The following VARS2 variants were observed in gnomAD, a reference collection of about 807,000 sequenced individuals.
VARS2 encodes the protein valine--tRNA ligase, mitochondrial.
Under a neutral mutation model 154.1 loss-of-function variants are expected in VARS2, and 105 were observed. The ratio of observed to expected loss-of-function variants is 0.68; its 90% CI spans 0.58 to 0.80. VARS2 has a LOEUF of 0.80. VARS2 is among the 30% of genes least tolerant of loss of function. The probability of loss-of-function intolerance (pLI) is 0.00; values close to 1 mark genes in which losing one functional copy is unlikely to be tolerated. For missense variants in VARS2, 1,157 were observed against 1,361.4 expected, an observed-to-expected ratio of 0.85 and a Z score of 2.36; for synonymous variants, 483 against 539.5, an observed-to-expected ratio of 0.90 and a Z score of 1.45.
chr6:30,919,661 A>T lies in VARS2; in HGVS notation c.1075-97A>T. On this transcript the variant is annotated intron_variant, in intron 11 of 29. Coordinates refer to ENST00000676266, the MANE Select transcript of VARS2 (RefSeq NM_020442.6). The surrounding 1 kb of genome is among the most constrained non-coding windows in gnomAD (Gnocchi z 4.5). The stretch of plus-strand genomic sequence containing the variant: ...ACCTTGCTCTAGCTTGCTACCTTCC[A>T]CTTTCTACCTTCTTATTCCTGGGGT... 1.0e-6 allele frequency: 1 copy of T among 981,138 alleles called. No homozygotes were observed. Among genetic ancestry groups the T allele is most frequent in the Non-Finnish European group, 1.4e-6 (1 of 699,652 alleles). 60.8% of individuals were successfully genotyped at this position (981,138 alleles called of 1,614,324 possible).
At chr6:30,915,085 G>A in intron 2 of VARS2, 48 bp downstream of exon 2, 1 of 1,611,252 alleles carries the variant, frequency 6.2e-7, no homozygotes, top group Non-Finnish European at 8.5e-7. Flanking sequence ...CTTGAGAGGG[G>A]CTGGAGGAGA....
chr6:30,924,508 GC>G lies in VARS2; in HGVS notation c.2627del (p.Pro876LeufsTer38). ...CAGAGGCTGCCCCCCAGGCCTGGTT[GC>G]CCCCCTGCCCCCAGCATCTCGGTTG... Reference protein sequence around the residue: ...LWQRLPPRPGCPPAPSISVAP... With the variant: ...LWQRLPPRPGXPPAPSISVAP... On this transcript the variant is annotated frameshift_variant, in exon 26 of 30. Transcript: ENST00000676266. LOFTEE classifies it high-confidence loss of function. 2 of 1,587,324 alleles carry G rather than the reference GC, an allele frequency of 1.3e-6. No individual in the cohort carries two copies. Among genetic ancestry groups the G allele is most frequent in the Non-Finnish European group, 1.7e-6 (2 of 1,162,314 alleles).
At chr6:30,924,581 AG>A in intron 26 of VARS2, 21 bp downstream of exon 26, 1 of 1,425,736 alleles carries the variant, frequency 7.0e-7, no homozygotes, top group Non-Finnish European at 9.5e-7. Flanking sequence ...AGCACCTTGG[AG>A]TGGGTCTGTG....
At position 30,923,433 on chromosome 6, in the gene VARS2, C is replaced by T. The variant is rs1405476868; in HGVS notation, c.2394C>T (p.Leu798=). 4 of 1,612,184 alleles carry T rather than the reference C, an allele frequency of 2.5e-6. No individual in the cohort carries two copies. Among genetic ancestry groups the T allele is most frequent in the Non-Finnish European group, 2.5e-6 (3 of 1,180,044 alleles). ...CCCAGGAGTGTGAGCGGGGCTTCCTCACCCGAGAGCTCTCGCTCGTCACTC... is the reference window on the plus strand; with the variant it reads ...CCCAGGAGTGTGAGCGGGGCTTCCTTACCCGAGAGCTCTCGCTCGTCACTC... ...LAAQECERGF[L]TRELSLVTHA... The change falls in exon 25 of 30, where the codon CTC becomes CTT. Residue 798 remains leucine, a synonymous_variant. Coordinates refer to ENST00000676266, the MANE Select transcript of VARS2 (RefSeq NM_020442.6).
intron 21 of VARS2, 21 bp from the exon 22 acceptor site, chr6:30,922,685 A>G: frequency 2.5e-6 from 4 of 1,609,418 alleles, no homozygotes; most frequent in Non-Finnish European, 3.4e-6. Context: ...TGGGTCGTGA[A>G]TTGCCCCCTT....
Position 30,920,290 on chromosome 6 carries a change from C to A in VARS2, c.1294-43C>A, listed in dbSNP as rs1794426550. 6.3e-7 allele frequency: 1 copy of A among 1,582,854 alleles called. No individual in the cohort carries two copies. Among genetic ancestry groups the A allele is most frequent in the Non-Finnish European group, 8.6e-7 (1 of 1,166,920 alleles). On this transcript the variant is annotated intron_variant, in intron 13 of 29. Transcript: ENST00000676266. This position sits in a 1 kb window ranked among gnomAD's most constrained non-coding sequence, Gnocchi z 4.6. Reference sequence around the variant, plus strand: ...TAATCCTCCTCCTAGTTTCTTATTTCTCTAGAGGCCTTCAGTCTTTACTCT... The same window carrying A: ...TAATCCTCCTCCTAGTTTCTTATTTATCTAGAGGCCTTCAGTCTTTACTCT...
Position 30,916,810 on chromosome 6 carries a change from C to T in VARS2, c.672-68C>T. The T allele has an allele frequency of 1.3e-6, 2 of 1,508,356 alleles. No individual in the cohort carries two copies. The highest frequency in any genetic ancestry group is 1.8e-6 in the Non-Finnish European group (2 of 1,084,316). The allele number at this position is 1,508,356 out of a possible 1,614,324, so 93.4% of individuals were successfully genotyped here. A position where few individuals can be genotyped will look rare whatever the true frequency, so the allele number is the denominator to read the frequency against. ...CTCCAACACCTGGCATTGCTGGGGG[C>T]ATCGCTGGGCCTGGTACATAGGAAG... is the stretch of plus-strand genomic sequence containing the variant. On this transcript the variant is annotated intron_variant, in intron 7 of 29. Coordinates refer to ENST00000676266, the MANE Select transcript of VARS2 (RefSeq NM_020442.6). The surrounding 1 kb of genome is among the most constrained non-coding windows in gnomAD (Gnocchi z 4.0).
rs369444351 is a variant in VARS2 at position 30,920,423 on chromosome 6, C to A, written c.1384C>A (p.Leu462Met). The change falls in exon 14 of 30, where the codon CTG (leucine) becomes ATG (methionine). Residue 462 changes from leucine to methionine, a missense_variant. Transcript: ENST00000676266. This position sits in a 1 kb window ranked among gnomAD's most constrained non-coding sequence, Gnocchi z 4.6. ...GGGCCTCCAGAACCACCCCATGGTACTGCCCATCTGCAGGTAACCTCATTT... is the reference window on the plus strand; with the variant it reads ...GGGCCTCCAGAACCACCCCATGGTAATGCCCATCTGCAGGTAACCTCATTT... ...FRGLQNHPMV[L>M]PICSRSGDVI... The A allele has an allele frequency of 6.8e-6, 11 of 1,606,916 alleles. No individual in the cohort carries two copies. The highest frequency in any genetic ancestry group is 1.3e-5 in the African/African-American group (1 of 74,510).
Position 30,920,999 on chromosome 6 carries a change from G to A in VARS2, c.1480-66G>A, listed in dbSNP as rs1794472870. The stretch of plus-strand genomic sequence containing the variant: ...TTTAAAATGACCTCAGAGGCCACTC[G>A]TCCTATCTGTGGAGGTGCGGCCGTG... On this transcript the variant is annotated intron_variant, in intron 15 of 29. Transcript: ENST00000676266. This position sits in a 1 kb window ranked among gnomAD's most constrained non-coding sequence, Gnocchi z 4.6. 2.0e-6 allele frequency: 3 copies of A among 1,497,270 alleles called. No homozygotes were observed. Among genetic ancestry groups the A allele is most frequent in the African/African-American group, 2.8e-5 (2 of 71,388 alleles). The allele number at this position is 1,497,270 out of a possible 1,614,324, so 92.7% of individuals were successfully genotyped here. A position where few individuals can be genotyped will look rare whatever the true frequency, so the allele number is the denominator to read the frequency against.
chr6:30,919,974 G>A lies in VARS2; in HGVS notation c.1166-115G>A, dbSNP rs1278405667. Reference sequence around the variant, plus strand: ...GGGTGGTCTGAGTGGGGAATGGGAGGGAGGCACAGACAGAGAAAGTCGCAG... The same window carrying A: ...GGGTGGTCTGAGTGGGGAATGGGAGAGAGGCACAGACAGAGAAAGTCGCAG... On this transcript the variant is annotated intron_variant, in intron 12 of 29. Transcript: ENST00000676266. This position sits in a 1 kb window ranked among gnomAD's most constrained non-coding sequence, Gnocchi z 4.5. The A allele has an allele frequency of 1.3e-5, 14 of 1,043,022 alleles. No individual in the cohort carries two copies. The highest frequency in any genetic ancestry group is 1.7e-5 in the Non-Finnish European group (13 of 748,660). 64.6% of individuals were successfully genotyped at this position (1,043,022 alleles called of 1,614,324 possible).
In VARS2 at chr6:30,921,252, C is replaced by G. The variant is rs1157034288; in HGVS notation, c.1579C>G (p.Leu527Val). The G allele has an allele frequency of 1.9e-6, 3 of 1,614,118 alleles. No individual in the cohort carries two copies. The highest frequency in any genetic ancestry group is 2.5e-6 in the Non-Finnish European group (3 of 1,180,016). The change falls in exon 17 of 30, where the codon CTG (leucine) becomes GTG (valine). Residue 527 changes from leucine (L) to valine (V), a missense_variant. By Grantham distance (32) the Leu-to-Val change is conservative. Transcript: ENST00000676266. This position sits in a 1 kb window ranked among gnomAD's most constrained non-coding sequence, Gnocchi z 4.6. ...CAGGGACTGGTGTGTCTCCCGGCAG[C>G]TGTGGTGGGGCCATCAGATTCCAGC... is the stretch of plus-strand genomic sequence containing the variant. The part of the protein sequence containing the change: ...HIGDWCVSRQ[L>V]WWGHQIPAYL...
In VARS2 at chr6:30,925,651, G is replaced by A. The variant is rs2252863; in HGVS notation, c.2893G>A (p.Ala965Thr). 537,664 of 1,609,606 alleles carry A rather than the reference G, an allele frequency of 0.33. 93,379 individuals are homozygous for A. Among genetic ancestry groups the A allele is most frequent in the Non-Finnish European group, 0.36 (422,296 of 1,179,020 alleles). ...CGAVGLLPPG[A>T]AAPSGWAQAP... ...GGCTGTGGGCCTGTTACCCCCAGGC[G>A]CAGCAGCTCCCTCCGGCTGGGCCCA... The change falls in exon 28 of 30, where the codon GCA (alanine) becomes ACA (threonine). Residue 965 changes from alanine to threonine, a missense_variant. Coordinates refer to ENST00000676266, the MANE Select transcript of VARS2 (RefSeq NM_020442.6).
rs1269173574 is a variant in VARS2 at position 30,915,409 on chromosome 6, G to A, written c.338G>A (p.Trp113Ter). Residue 113 changes from tryptophan to a stop codon, truncating the protein, a stop_gained, in exon 4 of 30, where the codon TGG becomes TAG. Coordinates refer to ENST00000676266, the MANE Select transcript of VARS2 (RefSeq NM_020442.6). LOFTEE classifies it high-confidence loss of function. ...AGCCCCCGATATGTTGAGGCTGCCT[G>A]GTACCCGTGGTGGGTACGAGAGGGC... Reference protein sequence around the residue: ...AYSPRYVEAAWYPWWVREGFF... With the variant: ...AYSPRYVEAA The A allele has an allele frequency of 6.2e-7, 1 of 1,614,182 alleles. No homozygotes were observed. The highest frequency in any genetic ancestry group is 8.5e-7 in the Non-Finnish European group (1 of 1,180,032).
Position 30,916,198 on chromosome 6 carries a change from A to G in VARS2, c.620A>G (p.His207Arg), listed in dbSNP as rs538723140. 9.9e-6 allele frequency: 16 copies of G among 1,614,024 alleles called. No individual in the cohort carries two copies. In the East Asian group the frequency reaches 1.6e-4, roughly 16 times the overall value. ...QLWKERGVRR[H>R]ELSREAFLRE... The stretch of plus-strand genomic sequence containing the variant: ...TGGAAGGAACGGGGAGTGAGGAGAC[A>G]TGAGCTGAGCCGGGAGGCCTTCCTT... Residue 207 changes from histidine (H) to arginine (R), a missense_variant, in exon 7 of 30, where the codon CAT becomes CGT. Coordinates refer to ENST00000676266, the MANE Select transcript of VARS2 (RefSeq NM_020442.6). The surrounding 1 kb of genome is among the most constrained non-coding windows in gnomAD (Gnocchi z 4.0).
chr6:30,917,181 T>C lies in VARS2; in HGVS notation c.830T>C (p.Val277Ala). The change falls in exon 9 of 30, where the codon GTC becomes GCC. Residue 277 changes from valine (V) to alanine (A), a missense_variant. Transcript: ENST00000676266. The surrounding 1 kb of genome is among the most constrained non-coding windows in gnomAD (Gnocchi z 4.4). ...AGLLYRNHQL[V>A]NWSCALRSAI... ...TTGCTGTACCGGAACCATCAGCTTG[T>C]CAACTGGTCATGTGCTTTAAGATCA... The C allele has an allele frequency of 1.2e-6, 2 of 1,614,136 alleles. No homozygotes were observed. Among genetic ancestry groups the C allele is most frequent in the South Asian group, 1.1e-5 (1 of 91,088 alleles).
At chr6:30,914,590 AC>A in intron 1 of VARS2, 1 of 1,260,580 alleles carries the variant, frequency 7.9e-7, no homozygotes, top group Non-Finnish European at 1.0e-6. Flanking sequence ...CCGAATCCAG[AC>A]ACTCCGGCCC....
intron 2 of VARS2, 44 bp from the exon 3 acceptor site, chr6:30,915,112 C>T (rs1214875943): frequency 6.2e-7 from 1 of 1,610,804 alleles, no homozygotes; most frequent in Non-Finnish European, 8.5e-7. Flanking sequence ...GAAATGCAGT[C>T]TGGGGTATAC....
In VARS2 at chr6:30,925,300, G is replaced by C. The variant is rs755005660; in HGVS notation, c.2700G>C (p.Glu900Asp). 13 of 1,612,464 alleles carry C rather than the reference G, an allele frequency of 8.1e-6. No individual in the cohort carries two copies. Among genetic ancestry groups the C allele is most frequent in the Middle Eastern group, 1.7e-4 (1 of 6,060 alleles). The stretch of plus-strand genomic sequence containing the variant: ...AGCACTGGCGCCAGCCAGAGCTGGA[G>C]CGGCGCTTCTCCCGGGTCCAAGAGG... The part of the protein sequence containing the change: ...SLEHWRQPEL[E>D]RRFSRVQEVV... The change falls in exon 27 of 30, where the codon GAG (glutamate) becomes GAC (aspartate). Residue 900 changes from glutamate to aspartate, a missense_variant. Physicochemically the swap from Glu to Asp is conservative, Grantham distance 45. Transcript: ENST00000676266.
rs1474692209 is a variant in VARS2, at chr6:30,914,939, C to A, written c.103C>A (p.His35Asn). ...FHSVSTQSEP[H>N]GSPISRRNRE... is the part of the protein sequence containing the mutation. ...CTCCGTTTCTACACAGTCGGAGCCC[C>A]ATGGATCTCCCATCTCCCGGAGGAA... Residue 35 changes from histidine (H) to asparagine (N), a missense_variant, in exon 2 of 30, where the codon CAT (histidine) becomes AAT (asparagine). Physicochemically the swap from His to Asn is moderately conservative, Grantham distance 68. Coordinates refer to ENST00000676266, the MANE Select transcript of VARS2 (RefSeq NM_020442.6). The A allele has an allele frequency of 6.2e-7, 1 of 1,613,058 alleles. No homozygotes were observed. The highest frequency in any genetic ancestry group is 8.5e-7 in the Non-Finnish European group (1 of 1,180,028).
Sources: allele counts gnomAD v4.1 joint callset, GRCh38; gene constraint gnomAD v4.1.1; non-coding constraint Gnocchi (gnomAD v3.1); transcripts MANE v1.5; gene names NCBI Gene and HGNC (gene_info 2026-07-23, HGNC 2026-07-21).